Variants in ADCK1 observed in about 807,000 individuals in gnomAD.
ADCK1 encodes the protein aarF domain-containing protein kinase 1.
Under a neutral mutation model 52.3 loss-of-function variants are expected in ADCK1, and 41 were observed. The ratio of observed to expected loss-of-function variants is 0.78; its 90% CI spans 0.61 to 1.02. The LOEUF is 1.02. ADCK1 is among the 50% of genes least tolerant of loss of function. The pLI is 0.00. For synonymous variants in ADCK1, 250 were observed against 274.6 expected (o/e 0.91, Z 0.89); for missense variants, 658 against 679.5 (o/e 0.97, Z 0.35).
chr14:77,807,612 C>T (rs1394925291), intron 1 of ADCK1, among the ~76,000 whole-genome samples: 1 of 149,330 alleles, frequency 6.7e-6, no homozygotes, highest in Non-Finnish European at 1.5e-5. Context: ...GGGGTTCAGG[C>T]AGTTCTCCTG....
chr14:77,817,734 GTCT>G (rs997976407), intron 1 of ADCK1, among the ~76,000 whole-genome samples: 4 of 151,780 alleles, frequency 2.6e-5, no homozygotes, highest in Non-Finnish European at 5.9e-5. Context: ...ACAAGGGGTA[GTCT>G]TCTTTTTTTT....
chr14:77,888,271 A>G (rs113618383), intron 5 of ADCK1, among the ~76,000 whole-genome samples: 6,234 of 152,028 alleles, frequency 0.041, 248 homozygotes, highest in African/African-American at 0.1. Flanking sequence ...GATAACTTCG[A>G]CCTGTTCAGA....
chr14:77,829,775 C>G (rs1184151677), intron 3 of ADCK1, among the ~76,000 whole-genome samples: 1 of 151,334 alleles, frequency 6.6e-6, no homozygotes, highest in Admixed American at 6.6e-5. Context: ...GTTAAGACCA[C>G]TGAAGCATTC....
chr14:77,909,634 G>A (rs2083748458), intron 7 of ADCK1, among the ~76,000 whole-genome samples: 1 of 152,178 alleles, frequency 6.6e-6, no homozygotes. Flanking sequence ...AATGGGGTCA[G>A]TATCTGCCTC....
At chr14:77,897,856 A>C (rs1329166658) in intron 5 of ADCK1, among the ~76,000 whole-genome samples, 1 of 152,212 alleles carries the variant, frequency 6.6e-6, no homozygotes, top group African/African-American at 2.4e-5. Flanking sequence ...CAGCCACAGC[A>C]GCAGTTGAGC....
chr14:77,829,610 A>G (rs1355259736), intron 3 of ADCK1, among the ~76,000 whole-genome samples: 1 of 151,344 alleles, frequency 6.6e-6, no homozygotes, highest in East Asian at 1.9e-4. Flanking sequence ...AAACTATGAA[A>G]TGATGCTTAT....
intron 4 of ADCK1, among the ~76,000 whole-genome samples, chr14:77,884,173 G>A (rs1164930917): frequency 6.6e-6 from 1 of 152,224 alleles, no homozygotes; most frequent in Non-Finnish European, 1.5e-5. Context: ...GTCAGGTGGA[G>A]GCTTGGGGTA....
chr14:77,813,354 A>G (rs2140011695), intron 1 of ADCK1, among the ~76,000 whole-genome samples: 1 of 152,200 alleles, frequency 6.6e-6, no homozygotes, highest in South Asian at 2.1e-4. Context: ...CTTGTTGCCC[A>G]GGCTGGAGTG....
At chr14:77,894,237 GA>G (rs1435455082) in intron 5 of ADCK1, among the ~76,000 whole-genome samples, 1 of 152,128 alleles carries the variant, frequency 6.6e-6, no homozygotes, top group Non-Finnish European at 1.5e-5. Context: ...TCAGAACAAA[GA>G]TAAACCCCGT....
intron 3 of ADCK1, among the ~76,000 whole-genome samples, chr14:77,842,303 T>TC (rs1374413907): frequency 6.6e-6 from 1 of 152,204 alleles, no homozygotes; most frequent in Non-Finnish European, 1.5e-5. Context: ...TTCTTTAATT[T>TC]CATCTAATTT....
At chr14:77,887,735 A>C (rs1225205750) in intron 5 of ADCK1, among the ~76,000 whole-genome samples, 2 of 152,192 alleles carry the variant, frequency 1.3e-5, no homozygotes, top group Non-Finnish European at 2.9e-5. Context: ...TTTGGAATGA[A>C]GAAATTCACG....
intron 1 of ADCK1, among the ~76,000 whole-genome samples, chr14:77,807,226 G>A (rs1312658614): frequency 2.2e-4 from 33 of 151,470 alleles, no homozygotes; most frequent in African/African-American, 8.0e-4. Context: ...CCGCCACCAC[G>A]CCCGGTTAAT....
chr14:77,900,138 A>G (rs1033171188), intron 6 of ADCK1, among the ~76,000 whole-genome samples: 6 of 152,178 alleles, frequency 3.9e-5, no homozygotes, highest in African/African-American at 1.4e-4. Flanking sequence ...ATAGGAATGA[A>G]TAAAAACCAG....
intron 5 of ADCK1, among the ~76,000 whole-genome samples, chr14:77,889,417 A>G (rs1342177805): frequency 6.6e-6 from 1 of 152,252 alleles, no homozygotes; most frequent in Non-Finnish European, 1.5e-5. Flanking sequence ...TGGATAACTG[A>G]AACCTTGGAA....
At chr14:77,806,355 A>G (rs1355048591) in intron 1 of ADCK1, among the ~76,000 whole-genome samples, 4 of 152,160 alleles carry the variant, frequency 2.6e-5, no homozygotes, top group African/African-American at 7.2e-5. Context: ...AGCTTGGTCT[A>G]TACCCAGGAG....
At chr14:77,928,683 A>G (rs2084254525) in intron 9 of ADCK1, among the ~76,000 whole-genome samples, 1 of 152,052 alleles carries the variant, frequency 6.6e-6, no homozygotes, top group Non-Finnish European at 1.5e-5. Flanking sequence ...GATGGTCTCG[A>G]TCTCCTGACC....
chr14:77,801,600 C>T (rs750868979), intron 1 of ADCK1, among the ~76,000 whole-genome samples: 1 of 152,080 alleles, frequency 6.6e-6, no homozygotes, highest in East Asian at 1.9e-4. Context: ...CATATTCTTA[C>T]TTTCTGCTAT....
chr14:77,906,645 A>G (rs2083672551), intron 6 of ADCK1, among the ~76,000 whole-genome samples: 1 of 152,210 alleles, frequency 6.6e-6, no homozygotes, highest in Non-Finnish European at 1.5e-5. Context: ...GTTTAACAGT[A>G]CCAGAGCTGG....
chr14:77,869,819 C>T (rs2082737872), intron 4 of ADCK1, among the ~76,000 whole-genome samples: 1 of 152,206 alleles, frequency 6.6e-6, no homozygotes, highest in African/African-American at 2.4e-5. Context: ...CCATGACCAG[C>T]TGCCATTGAC....
Sources: allele counts gnomAD v4.1 joint callset (sites outside exome capture counted in the v4.1 genomes callset), GRCh38; gene constraint gnomAD v4.1.1; transcripts MANE v1.5; gene names NCBI Gene and HGNC (gene_info 2026-07-23, HGNC 2026-07-21).